Variants in PCDHGA1 observed in about 807,000 individuals in gnomAD.
The protein encoded by PCDHGA1 is protocadherin gamma-A1.
PCDHGA1 carries 32 observed loss-of-function variants against 58.0 expected under a neutral mutation model. The ratio of observed to expected loss-of-function variants is 0.55; its 90% CI spans 0.42 to 0.74. PCDHGA1 has a LOEUF of 0.74. PCDHGA1 is among the 30% of genes least tolerant of loss of function. The pLI is 0.00. For missense variants in PCDHGA1, 1,205 were observed against 1,182.3 expected, an observed-to-expected ratio of 1.02 and a Z score of -0.28; for synonymous variants, 498 against 501.1, an observed-to-expected ratio of 0.99 and a Z score of 0.08.
chr5:141,398,945 T>G, intron 1 of PCDHGA1: 3 of 1,613,974 alleles, frequency 1.9e-6, no homozygotes, highest in Non-Finnish European at 2.5e-6. Context: ...GACGAGGGCA[T>G]CAACTCAGAA....
intron 1 of PCDHGA1, chr5:141,366,887 A>T (rs1444897635): frequency 9.5e-6 from 12 of 1,269,488 alleles, no homozygotes; most frequent in Non-Finnish European, 1.3e-5. Flanking sequence ...AATTTTTTTT[A>T]TATAATTCAT....
Position 141,388,205 on chromosome 5 carries a change from G to T in PCDHGA1, c.2421+55100G>T, listed in dbSNP as rs2091277297. 6.3e-7 allele frequency: 1 copy of T among 1,578,264 alleles called. No homozygotes were observed. ...AGCCAGCTTGTGCTCTGGAATTTGA[G>T]GCTGTTGCTGAAAATCCACTGAACT... On this transcript the variant is annotated intron_variant, in intron 1 of 3. Transcript: ENST00000517417.
chr5:141,414,023 A>G lies in PCDHGA1; in HGVS notation c.2422-80784A>G, dbSNP rs746044242. 5 of 1,612,692 alleles carry G rather than the reference A, an allele frequency of 3.1e-6. No homozygotes were observed. The highest frequency in any genetic ancestry group is 2.2e-5 in the East Asian group (1 of 44,836). ...GAAGGTGCCAATGGAGAAGTGACAT[A>G]TTCATTCCGAAAATTACCTGACACG... On this transcript the variant is annotated intron_variant, in intron 1 of 3. Transcript: ENST00000517417.
chr5:141,419,311 C>T (rs745852942), intron 1 of PCDHGA1: 4 of 1,613,876 alleles, frequency 2.5e-6, no homozygotes, highest in East Asian at 4.5e-5. Context: ...TCGGGCTCAA[C>T]GGCCGTGTCT....
Position 141,431,154 on chromosome 5 carries a change from A to G in PCDHGA1, c.2422-63653A>G, listed in dbSNP as rs754200786. ...AGGGACATTAACGACAATGCGCCTT[A>G]CTTTCGTGAAAGTGAATTAGAAATA... On this transcript the variant is annotated intron_variant, in intron 1 of 3. Coordinates refer to ENST00000517417, the MANE Select transcript of PCDHGA1 (RefSeq NM_018912.3). The surrounding 1 kb of genome is among the most constrained non-coding windows in gnomAD (Gnocchi z 4.8). 1.1e-5 allele frequency: 18 copies of G among 1,614,136 alleles called. No homozygotes were observed. In the East Asian group the frequency reaches 4.0e-4, roughly 36 times the overall value.
Position 141,332,247 on chromosome 5 carries a change from C to G in PCDHGA1, c.1563C>G (p.Asp521Glu). ...TGVLYALRSF[D>E]YEQFRDMQLK... is the part of the protein sequence containing the mutation. ...TCCTGTATGCGCTGCGATCCTTCGA[C>G]TATGAGCAGTTCCGGGACATGCAAC... Residue 521 changes from aspartate to glutamate, a missense_variant, in exon 1 of 4, where the codon GAC (aspartate) becomes GAG (glutamate). Physicochemically the swap from Asp to Glu is conservative, Grantham distance 45. Coordinates refer to ENST00000517417, the MANE Select transcript of PCDHGA1 (RefSeq NM_018912.3). This position sits in a 1 kb window ranked among gnomAD's most constrained non-coding sequence, Gnocchi z 4.6. The G allele has an allele frequency of 6.2e-7, 1 of 1,614,258 alleles. No individual in the cohort carries two copies. The highest frequency in any genetic ancestry group is 8.5e-7 in the Non-Finnish European group (1 of 1,180,046).
chr5:141,498,737 G>A (rs1176793634), intron 2 of PCDHGA1, among the ~76,000 whole-genome samples: 1 of 152,076 alleles, frequency 6.6e-6, no homozygotes, highest in African/African-American at 2.4e-5. Context: ...TTTGAGACCA[G>A]CCTGGCCAAC....
intron 1 of PCDHGA1, chr5:141,399,203 G>A: frequency 6.2e-7 from 1 of 1,613,940 alleles, no homozygotes. Flanking sequence ...GCGGTGCCTG[G>A]AACACTAATT....
At chr5:141,348,129 AT>A (rs1758069278) in intron 1 of PCDHGA1, among the ~76,000 whole-genome samples, 1 of 152,266 alleles carries the variant, frequency 6.6e-6, no homozygotes, top group South Asian at 2.1e-4. Flanking sequence ...ATTTTCACTC[AT>A]GAAATCATAT....
At chr5:141,375,126 T>C (rs752210240) in intron 1 of PCDHGA1, 10 of 1,613,870 alleles carry the variant, frequency 6.2e-6, no homozygotes, top group African/African-American at 2.7e-5. Flanking sequence ...CCAGAAGTGG[T>C]TGTTACATCT....
At chr5:141,402,971 T>C in intron 1 of PCDHGA1, 2 of 1,608,370 alleles carry the variant, frequency 1.2e-6, no homozygotes. Flanking sequence ...TCCAACCAAA[T>C]GCCAGCTCCG....
intron 1 of PCDHGA1, chr5:141,433,250 G>A: frequency 1.4e-6 from 2 of 1,440,892 alleles, no homozygotes; most frequent in Non-Finnish European, 1.9e-6. Flanking sequence ...CTGGAATGCA[G>A]CGGTACGATC....
intron 1 of PCDHGA1, among the ~76,000 whole-genome samples, chr5:141,469,489 C>T (rs1013080566): frequency 4.6e-5 from 7 of 151,928 alleles, no homozygotes; most frequent in Middle Eastern, 3.4e-3. Context: ...GCAGGAGAAT[C>T]GCTTGAACCC....
rs115990854 is a variant in PCDHGA1 at position 141,433,033 on chromosome 5, C to T, written c.2422-61774C>T. On this transcript the variant is annotated intron_variant, in intron 1 of 3. Coordinates refer to ENST00000517417, the MANE Select transcript of PCDHGA1 (RefSeq NM_018912.3). ...TGCAGACCTATTCCCACGAGGTTTC[C>T]CTCACCACGGACTCGCGGAAGAGTC... The T allele has an allele frequency of 6.4e-3, 10,342 of 1,614,162 alleles. 43 individuals are homozygous for T. The highest frequency in any genetic ancestry group is 8.6e-3 in the Middle Eastern group (52 of 6,062).
At chr5:141,389,388 T>C (rs375763465) in intron 1 of PCDHGA1, 34 of 1,613,602 alleles carry the variant, frequency 2.1e-5, no homozygotes, top group Non-Finnish European at 2.6e-5. Context: ...GCTGTCATCC[T>C]ACGTGTCCAT....
In PCDHGA1 at chr5:141,422,647, T is replaced by G. The variant is rs773990745; in HGVS notation, c.2422-72160T>G. 2.5e-6 allele frequency: 4 copies of G among 1,611,858 alleles called. No individual in the cohort carries two copies. In the South Asian group the frequency reaches 4.4e-5, roughly 18 times the overall value. On this transcript the variant is annotated intron_variant, in intron 1 of 3. Transcript: ENST00000517417. ...CAACCCCAGGGGTGCCTCCATCTTC[T>G]CAGTGACCGCCCTCGACCCGGACAG...
At position 141,385,228 on chromosome 5, in the gene PCDHGA1, GAC is replaced by G. The variant is rs1361009837; in HGVS notation, c.2421+52125_2421+52126del. 9 of 1,614,224 alleles carry G rather than the reference GAC, an allele frequency of 5.6e-6. No individual in the cohort carries two copies. The South Asian group carries it at 8.8e-5, about 16-fold the overall frequency. On this transcript the variant is annotated intron_variant, in intron 1 of 3. Transcript: ENST00000517417. ...GATCTTCCCCCAGCCCAACTATGTAGACATGCTCATCAGCCAGGAGAGCTGTG... is the reference window on the plus strand; with the variant it reads ...GATCTTCCCCCAGCCCAACTATGTAGATGCTCATCAGCCAGGAGAGCTGTG...
chr5:141,377,871 C>T (rs1490492398), intron 1 of PCDHGA1: 1 of 152,290 alleles, frequency 6.6e-6, no homozygotes, highest in East Asian at 1.9e-4. Flanking sequence ...AAAGACTTCT[C>T]TTATCAGAGA....
In PCDHGA1 at chr5:141,351,785, G is replaced by C. The variant is rs747419202; in HGVS notation, c.2421+18680G>C. On this transcript the variant is annotated intron_variant, in intron 1 of 3. Transcript: ENST00000517417. ...CGTGTCCGTGAGCCCGCAGAGCGGG[G>C]TGGTGTTCGCGCAGCGCGCCTTCGA... The C allele has an allele frequency of 2.5e-6, 4 of 1,613,318 alleles. No individual in the cohort carries two copies. The highest frequency in any genetic ancestry group is 3.4e-6 in the Non-Finnish European group (4 of 1,179,914).
Sources: allele counts gnomAD v4.1 joint callset (sites outside exome capture counted in the v4.1 genomes callset), GRCh38; gene constraint gnomAD v4.1.1; non-coding constraint Gnocchi (gnomAD v3.1); transcripts MANE v1.5; gene names NCBI Gene and HGNC (gene_info 2026-07-23, HGNC 2026-07-21).